Variants in MTREX observed in about 807,000 individuals in gnomAD.
MTREX encodes the protein exosome RNA helicase MTR4.
MTREX carries 76 observed loss-of-function variants against 135.4 expected under a neutral mutation model. The observed-to-expected ratio is 0.56, with a 90% CI of 0.47 to 0.68. The LOEUF is 0.68. Among genes scored for constraint, MTREX ranks in the 30% least tolerant of loss-of-function variants. The pLI is 0.00. For synonymous variants in MTREX, 404 were observed against 401.6 expected, an observed-to-expected ratio of 1.01 and a Z score of -0.07; for missense variants, 920 against 1,262.1, an observed-to-expected ratio of 0.73 and a Z score of 4.11.
rs770305338 is a variant in MTREX, at chr5:55,338,559, G to GT, written c.516-1441dup. ...TTTTAAACAAATGAAGTTTTTTATT[G>GT]TTTTTTTTTTCCTACCTCTTTCTTA... is the stretch of plus-strand genomic sequence containing the variant. On this transcript the variant is annotated intron_variant, in intron 5 of 26. Transcript: ENST00000230640. Among the ~76,000 whole-genome samples the GT allele has an allele frequency of 6.9e-3, 1,001 of 145,678 alleles. 8 individuals are homozygous for GT. Among genetic ancestry groups the GT allele is most frequent in the Non-Finnish European group, 0.011 (695 of 65,942 alleles).
intron 3 of MTREX, among the ~76,000 whole-genome samples, chr5:55,326,331 T>C (rs561322731): frequency 5.9e-4 from 89 of 151,710 alleles, no homozygotes; most frequent in African/African-American, 2.1e-3. Context: ...ACCAGGGAGG[T>C]GGAGGTTGCA....
intron 6 of MTREX, 134 bp from the exon 7 acceptor site, chr5:55,341,547 C>T: frequency 3.8e-6 from 2 of 525,762 alleles, no homozygotes; most frequent in Non-Finnish European, 6.7e-6. Context: ...AGTTCTGTAA[C>T]CCCTTAAAAT....
At chr5:55,331,011 T>C (rs1238209695) in intron 5 of MTREX, among the ~76,000 whole-genome samples, 4 of 152,136 alleles carry the variant, frequency 2.6e-5, no homozygotes, top group Non-Finnish European at 4.4e-5. Context: ...TCTCAGACAC[T>C]CAGTTTCCAT....
intron 8 of MTREX, 144 bp from the exon 9 acceptor site, chr5:55,344,378 G>C (rs1749697613): frequency 3.4e-6 from 2 of 593,140 alleles, no homozygotes; most frequent in Non-Finnish European, 6.0e-6. Context: ...CTCTTGCCTG[G>C]GTTTTAGTGA....
In MTREX at chr5:55,405,539, T is replaced by A. The variant is rs764642547; in HGVS notation, c.2596T>A (p.Ser866Thr). Residue 866 changes from serine to threonine, a missense_variant, in exon 22 of 27, where the codon TCT becomes ACT. This residue lies in a region of MTREX where 467 missense variants were observed against 589.7 expected (regional missense o/e 0.79). Transcript: ENST00000230640. ...TTTAAGAAGGTTGGGATTTGCTACT[T>A]CTTCTGATGTAATAGAGATGAAAGG... ...RVLRRLGFAT[S>T]SDVIEMKGRV... is the part of the protein sequence containing the mutation. 11 of 1,613,942 alleles carry A rather than the reference T, an allele frequency of 6.8e-6. No individual in the cohort carries two copies. The highest frequency in any genetic ancestry group is 2.2e-5 in the East Asian group (1 of 44,856).
intron 15 of MTREX, among the ~76,000 whole-genome samples, chr5:55,364,771 C>T (rs1750073442): frequency 6.6e-6 from 1 of 151,856 alleles, no homozygotes; most frequent in Admixed American, 6.6e-5. Context: ...AAATAGTCTG[C>T]AATAATTGAT....
chr5:55,415,833 A>G (rs1750958041), intron 24 of MTREX, 137 bp from the exon 25 acceptor site: 1 of 552,624 alleles, frequency 1.8e-6, no homozygotes, highest in African/African-American at 2.0e-5. Context: ...GTGCCTACTT[A>G]GGAGCAGAAT....
In MTREX at chr5:55,325,836, C is replaced by T. The variant is rs143978891; in HGVS notation, c.339+1638C>T. Among the ~76,000 whole-genome samples the T allele has an allele frequency of 6.3e-3, 962 of 152,168 alleles. 15 individuals carry two copies. The highest frequency in any genetic ancestry group is 0.021 in the African/African-American group (856 of 41,500). ...TCTTATCTTTATGTCCATGTGTACC[C>T]TATGTTTAGCTCTCACTAAACGTAG... On this transcript the variant is annotated intron_variant, in intron 3 of 26. Transcript: ENST00000230640.
chr5:55,414,571 A>G (rs575651200), intron 24 of MTREX, among the ~76,000 whole-genome samples: 45 of 152,240 alleles, frequency 3.0e-4, no homozygotes, highest in Admixed American at 1.8e-3. Flanking sequence ...TGATAATGGT[A>G]TCTTGAAGGA....
intron 16 of MTREX, among the ~76,000 whole-genome samples, chr5:55,375,297 G>A (rs943829389): frequency 1.3e-5 from 2 of 152,160 alleles, no homozygotes; most frequent in East Asian, 1.9e-4. Flanking sequence ...GAGCGCTATG[G>A]GAGACTGGGG....
intron 1 of MTREX, among the ~76,000 whole-genome samples, chr5:55,313,198 AG>A (rs1423642406): frequency 2.0e-5 from 3 of 150,312 alleles, no homozygotes; most frequent in Non-Finnish European, 4.4e-5. Context: ...GCACTTTCGG[AG>A]GCTGAGGCAG....
intron 21 of MTREX, among the ~76,000 whole-genome samples, chr5:55,402,915 G>A (rs1750747658): frequency 6.7e-6 from 1 of 150,350 alleles, no homozygotes; most frequent in South Asian, 2.1e-4. Context: ...GAAAAATACA[G>A]CCTGGGCACA....
At chr5:55,314,046 A>G (rs958681729) in intron 1 of MTREX, among the ~76,000 whole-genome samples, 1 of 152,166 alleles carries the variant, frequency 6.6e-6, no homozygotes, top group African/African-American at 2.4e-5. Context: ...CTGAATGAAC[A>G]TGGTACTATT....
chr5:55,366,219 A>G (rs907196908), intron 15 of MTREX, among the ~76,000 whole-genome samples: 1 of 152,120 alleles, frequency 6.6e-6, no homozygotes, highest in African/African-American at 2.4e-5. Context: ...GTAGATAAAG[A>G]ATAGTCTGCC....
intron 19 of MTREX, among the ~76,000 whole-genome samples, chr5:55,389,095 C>A (rs999455140): frequency 3.9e-5 from 6 of 152,050 alleles, no homozygotes; most frequent in African/African-American, 1.4e-4. Context: ...CTTTGGTCTC[C>A]TTTTCTTAGT....
chr5:55,377,418 A>C (rs578160553), intron 16 of MTREX, among the ~76,000 whole-genome samples: 1 of 152,368 alleles, frequency 6.6e-6, no homozygotes, highest in South Asian at 2.1e-4. Context: ...AAAGAAGCTC[A>C]AAACAGTTAT....
At position 55,358,666 on chromosome 5, in the gene MTREX, A is replaced by T; in HGVS notation, c.1627A>T (p.Met543Leu). 6.2e-7 allele frequency: 1 copy of T among 1,602,864 alleles called. No individual in the cohort carries two copies. Among genetic ancestry groups the T allele is most frequent in the African/African-American group, 1.3e-5 (1 of 74,464 alleles). ...TGTAATTCTTATGGTAGATGAAAAG[A>T]TGAGCCCAACAATTGGAAAACAATT... ...GIVILMVDEK[M>L]SPTIGKQLLK... Residue 543 changes from methionine to leucine, a missense_variant, in exon 15 of 27, where the codon ATG (methionine) becomes TTG (leucine). Physicochemically the swap from Met to Leu is conservative, Grantham distance 15. Coordinates refer to ENST00000230640, the MANE Select transcript of MTREX (RefSeq NM_015360.5).
At chr5:55,404,722 A>G (rs961029501) in intron 21 of MTREX, among the ~76,000 whole-genome samples, 7 of 151,666 alleles carry the variant, frequency 4.6e-5, no homozygotes, top group Non-Finnish European at 1.0e-4. Context: ...CTAGCTCACA[A>G]TATCCAGCTC....
chr5:55,322,920 G>A (rs1016918556), intron 2 of MTREX, among the ~76,000 whole-genome samples: 3 of 152,204 alleles, frequency 2.0e-5, no homozygotes, highest in African/African-American at 4.8e-5. Context: ...GGCTGGAATC[G>A]CTGGTATTTA....
Sources: gnomAD v4.1 joint callset for allele counts (sites outside exome capture counted in the v4.1 genomes callset) on GRCh38, gnomAD v4.1.1 for gene constraint, gnomAD v4.1.1 regional missense constraint, MANE v1.5 for transcripts, NCBI Gene and HGNC (gene_info 2026-07-23, HGNC 2026-07-21) for gene names.